The following WWOX variants were observed in gnomAD, a reference collection of about 807,000 sequenced individuals.
WWOX encodes the protein WW domain containing oxidoreductase, also known as WW domain-containing oxidoreductase.
In WWOX, 69 loss-of-function variants were observed where a neutral mutation model predicts 46.2. That is an observed-to-expected ratio of 1.49 (90% CI 1.23 to 1.82). WWOX has a LOEUF of 1.82. WWOX is among the 40% of genes most tolerant of loss of function. The pLI, the probability that WWOX is intolerant of heterozygous loss-of-function variation, is 0.00. For missense variants in WWOX, 919 were observed against 542.6 expected (o/e 1.69, Z -6.89); for synonymous variants, 359 against 202.6 (o/e 1.77, Z -6.56).
intron 8 of WWOX, among the ~76,000 whole-genome samples, chr16:78,497,895 T>A (rs2084956436): frequency 6.6e-6 from 1 of 151,182 alleles, no homozygotes; most frequent in Admixed American, 6.6e-5. Context: ...TAAAGGGAAT[T>A]TGGTATTTTT....
At chr16:78,848,751 A>G (rs1012426570) in intron 8 of WWOX, among the ~76,000 whole-genome samples, 11 of 152,110 alleles carry the variant, frequency 7.2e-5, no homozygotes, top group South Asian at 2.1e-4. Flanking sequence ...CCAGTTCTCA[A>G]TGCCATACAT....
intron 8 of WWOX, among the ~76,000 whole-genome samples, chr16:78,695,591 C>G (rs953483531): frequency 3.9e-5 from 6 of 152,118 alleles, no homozygotes; most frequent in Admixed American, 1.3e-4. Flanking sequence ...TCAGAGAGAG[C>G]AGAGCCATGC....
At chr16:78,862,700 G>A (rs2043917105) in intron 8 of WWOX, among the ~76,000 whole-genome samples, 2 of 152,098 alleles carry the variant, frequency 1.3e-5, no homozygotes. Context: ...AGAAGCTGAT[G>A]TCTCAGCTTG....
intron 8 of WWOX, among the ~76,000 whole-genome samples, chr16:78,934,534 A>G (rs2045695835): frequency 6.6e-6 from 1 of 150,638 alleles, no homozygotes; most frequent in African/African-American, 2.4e-5. Flanking sequence ...AAAAAAAAGA[A>G]ACACAACTTA....
chr16:78,307,419 T>C (rs904218931), intron 5 of WWOX, among the ~76,000 whole-genome samples: 1 of 151,954 alleles, frequency 6.6e-6, no homozygotes, highest in African/African-American at 2.4e-5. Flanking sequence ...CAATTATAAG[T>C]GTTCTTATGA....
At chr16:78,320,655 A>G (rs1301645822) in intron 5 of WWOX, among the ~76,000 whole-genome samples, 1 of 152,226 alleles carries the variant, frequency 6.6e-6, no homozygotes, top group Non-Finnish European at 1.5e-5. Flanking sequence ...GAAGCCAAAC[A>G]TCTGGATGAA....
chr16:78,618,615 C>A (rs1231618260), intron 8 of WWOX, among the ~76,000 whole-genome samples: 2 of 152,168 alleles, frequency 1.3e-5, no homozygotes, highest in African/African-American at 4.8e-5. Flanking sequence ...TGGGCTTCCA[C>A]ATACAAAGTC....
chr16:78,627,163 T>C (rs985606803), intron 8 of WWOX, among the ~76,000 whole-genome samples: 1 of 152,064 alleles, frequency 6.6e-6, no homozygotes, highest in African/African-American at 2.4e-5. Context: ...GTGGGTGAGT[T>C]CTCCCACTTT....
intron 8 of WWOX, among the ~76,000 whole-genome samples, chr16:78,927,048 G>A (rs990355244): frequency 5.3e-5 from 8 of 152,122 alleles, no homozygotes; most frequent in Non-Finnish European, 1.2e-4. Context: ...CACCCGCCTT[G>A]GCCTCCCAAA....
intron 8 of WWOX, among the ~76,000 whole-genome samples, chr16:78,695,679 A>G (rs541331572): frequency 3.3e-5 from 5 of 152,226 alleles, no homozygotes; most frequent in African/African-American, 9.6e-5. Context: ...TCAGAGGGGC[A>G]ATGCAGGAAT....
chr16:79,204,250 G>A (rs918193051), intron 8 of WWOX: 1 of 152,132 alleles, frequency 6.6e-6, no homozygotes, highest in African/African-American at 2.4e-5. Context: ...ATGGATATAA[G>A]ACATCATCAA....
At chr16:78,879,620 G>C (rs933762839) in intron 8 of WWOX, among the ~76,000 whole-genome samples, 5 of 152,196 alleles carry the variant, frequency 3.3e-5, no homozygotes, top group African/African-American at 1.2e-4. Context: ...GTTCACGCCT[G>C]TAATCCCAGC....
intron 8 of WWOX, among the ~76,000 whole-genome samples, chr16:78,679,071 C>T (rs1262215023): frequency 1.3e-5 from 2 of 152,166 alleles, no homozygotes; most frequent in East Asian, 1.9e-4. Context: ...TCAAGGATGC[C>T]ATTTGGTGAA....
At chr16:78,823,699 C>T (rs9928289) in intron 8 of WWOX, among the ~76,000 whole-genome samples, 1 of 152,000 alleles carries the variant, frequency 6.6e-6, no homozygotes, top group South Asian at 2.1e-4. Context: ...CCCGCCGAGC[C>T]TGAGCTGATA....
intron 5 of WWOX, among the ~76,000 whole-genome samples, chr16:78,352,077 G>T (rs1035306546): frequency 2.0e-5 from 3 of 152,156 alleles, no homozygotes; most frequent in Non-Finnish European, 2.9e-5. Context: ...AGATGGTGGC[G>T]CACAAGAGGG....
intron 8 of WWOX, among the ~76,000 whole-genome samples, chr16:79,126,325 C>T (rs1382033992): frequency 6.6e-6 from 1 of 152,152 alleles, no homozygotes; most frequent in Non-Finnish European, 1.5e-5. Context: ...TATGATTTGG[C>T]TCTGTGTCCC....
intron 8 of WWOX, among the ~76,000 whole-genome samples, chr16:78,490,892 G>A (rs112225113): frequency 6.6e-5 from 10 of 152,142 alleles, no homozygotes; most frequent in African/African-American, 9.7e-5. Flanking sequence ...CTCATTAGCA[G>A]GAGCTCATAA....
chr16:78,526,768 G>A (rs1323864695), intron 8 of WWOX, among the ~76,000 whole-genome samples: 1 of 152,188 alleles, frequency 6.6e-6, no homozygotes, highest in Admixed American at 6.5e-5. Context: ...GGCAACAGGG[G>A]CAGTGGGTCT....
intron 8 of WWOX, among the ~76,000 whole-genome samples, chr16:78,467,044 A>G (rs1252961461): frequency 6.6e-6 from 1 of 152,160 alleles, no homozygotes; most frequent in Non-Finnish European, 1.5e-5. Context: ...TCTCTTGACC[A>G]TGCTATTGAT....
Sources: allele counts gnomAD v4.1 joint callset (sites outside exome capture counted in the v4.1 genomes callset), GRCh38; gene constraint gnomAD v4.1.1; transcripts MANE v1.5; gene names NCBI Gene and HGNC (gene_info 2026-07-23, HGNC 2026-07-21).